NWD2: variants seen among roughly 807,000 people sequenced by gnomAD.
The protein encoded by NWD2 is NACHT and WD repeat domain containing 2, also known as NACHT and WD repeat domain-containing protein 2.
In NWD2, 37 loss-of-function variants were observed where a neutral mutation model predicts 132.7. That is an observed-to-expected ratio of 0.28 (90% CI 0.21 to 0.37). The LOEUF is 0.37. Ranked by LOEUF, NWD2 falls within the 10% of genes least tolerant of loss-of-function variation. The probability of loss-of-function intolerance (pLI) is 1.00; values close to 1 mark genes in which losing one functional copy is unlikely to be tolerated. For missense variants in NWD2, 1,592 were observed against 2,122.4 expected (o/e 0.75, Z 4.91); for synonymous variants, 705 against 803.0 (o/e 0.88, Z 2.06).
At chr4:37,376,835 T>C (rs1560407834) in intron 3 of NWD2, among the ~76,000 whole-genome samples, 1 of 152,206 alleles carries the variant, frequency 6.6e-6, no homozygotes, top group African/African-American at 2.4e-5. Flanking sequence ...CATGACCTTA[T>C]TATTCTCCCA....
chr4:37,430,315 T>C (rs1340992199), intron 3 of NWD2, among the ~76,000 whole-genome samples: 1 of 152,210 alleles, frequency 6.6e-6, no homozygotes, highest in East Asian at 1.9e-4. Flanking sequence ...AGAAAGTAAA[T>C]TGGCTGCAAA....
chr4:37,407,347 T>C (rs916393745), intron 3 of NWD2, among the ~76,000 whole-genome samples: 4 of 152,160 alleles, frequency 2.6e-5, no homozygotes, highest in Middle Eastern at 3.2e-3. Context: ...CACTGTGAGA[T>C]ATTCAACAAC....
At chr4:37,277,068 G>A (rs1718034053) in intron 1 of NWD2, among the ~76,000 whole-genome samples, 1 of 151,588 alleles carries the variant, frequency 6.6e-6, no homozygotes, top group Non-Finnish European at 1.5e-5. Context: ...ACACCAACAT[G>A]GCACATGTAC....
chr4:37,419,721 T>G (rs1711749739), intron 3 of NWD2, among the ~76,000 whole-genome samples: 1 of 152,196 alleles, frequency 6.6e-6, no homozygotes, highest in East Asian at 1.9e-4. Flanking sequence ...ATTAGAAAAA[T>G]GAAAACTTAG....
At chr4:37,406,831 G>A (rs1577693421) in intron 3 of NWD2, among the ~76,000 whole-genome samples, 1 of 152,162 alleles carries the variant, frequency 6.6e-6, no homozygotes, top group East Asian at 1.9e-4. Flanking sequence ...AGGAGGCAGG[G>A]GTTGCAGTGA....
At position 37,434,259 on chromosome 4, in the gene NWD2, G is replaced by A. The variant is rs563767494; in HGVS notation, c.706+239G>A. 1.6e-4 allele frequency among the ~76,000 whole-genome samples: 24 copies of A among 152,202 alleles called. No individual in the cohort carries two copies. The East Asian group carries it at 3.5e-3, about 22-fold the overall frequency. ...TTTAAAAGAAGCCAGAGGTGGCCCC[G>A]GATATAATTGACCATATTCTGCCAT... On this transcript the variant is annotated intron_variant, in intron 5 of 6. Transcript: ENST00000309447.
intron 2 of NWD2, among the ~76,000 whole-genome samples, chr4:37,335,453 T>C (rs1451671443): frequency 1.3e-5 from 2 of 152,170 alleles, no homozygotes; most frequent in East Asian, 3.9e-4. Context: ...AATTTTTAAA[T>C]GTCCCTCCCC....
At position 37,342,705 on chromosome 4, in the gene NWD2, C is replaced by CAAGGG. The variant is rs534029301; in HGVS notation, c.241-13660_241-13656dup. On this transcript the variant is annotated intron_variant, in intron 2 of 6. Transcript: ENST00000309447. The stretch of plus-strand genomic sequence containing the variant: ...TAGAGGTCCTGCCTTGGTTCATGGT[C>CAAGGG]AAGGGTTCAGTTCTTCCTTACTATC... 1.3e-4 allele frequency among the ~76,000 whole-genome samples: 20 copies of CAAGGG among 152,288 alleles called. No homozygotes were observed. In the South Asian group the frequency reaches 4.1e-3, roughly 32 times the overall value.
intron 1 of NWD2, among the ~76,000 whole-genome samples, chr4:37,316,157 A>T (rs1718952684): frequency 6.6e-6 from 1 of 152,092 alleles, no homozygotes; most frequent in Non-Finnish European, 1.5e-5. Flanking sequence ...TCTTTAGTAT[A>T]GTCTATAATG....
chr4:37,392,574 T>G (rs560526961), intron 3 of NWD2, among the ~76,000 whole-genome samples: 7 of 152,296 alleles, frequency 4.6e-5, no homozygotes, highest in African/African-American at 1.7e-4. Flanking sequence ...CCAACCTCTA[T>G]TGAGAATCAC....
intron 5 of NWD2, among the ~76,000 whole-genome samples, chr4:37,437,689 A>G (rs1712358501): frequency 6.6e-6 from 1 of 152,192 alleles, no homozygotes; most frequent in African/African-American, 2.4e-5. Flanking sequence ...ATTCATTTCC[A>G]TTAGCTTATT....
chr4:37,439,346 C>T lies in NWD2; in HGVS notation c.1252C>T (p.Pro418Ser). The T allele has an allele frequency of 6.6e-7, 1 of 1,526,404 alleles. No individual in the cohort carries two copies. Among genetic ancestry groups the T allele is most frequent in the Non-Finnish European group, 8.8e-7 (1 of 1,136,730 alleles). 94.6% of individuals were successfully genotyped at this position (1,526,404 alleles called of 1,614,324 possible). The stretch of plus-strand genomic sequence containing the variant: ...CAACCCTCTTATTATATATGGTGGG[C>T]CATGCACTGGGAAGACCCTTCTGCT... ...HINPLIIYGGPCTGKTLLLAE... is the reference protein window; with the variant it reads ...HINPLIIYGGSCTGKTLLLAE... The change falls in exon 6 of 7, where the codon CCA becomes TCA. Residue 418 changes from proline (P) to serine (S), a missense_variant. Pro to Ser is a moderately conservative substitution (Grantham distance 74). Transcript: ENST00000309447. This position sits in a 1 kb window ranked among gnomAD's most constrained non-coding sequence, Gnocchi z 4.5.
intron 1 of NWD2, among the ~76,000 whole-genome samples, chr4:37,280,112 G>A (rs1308460919): frequency 1.3e-5 from 2 of 152,116 alleles, no homozygotes; most frequent in East Asian, 3.9e-4. Flanking sequence ...TTCAGTGAGA[G>A]AACACATAAT....
At chr4:37,264,342 C>A (rs566821854) in intron 1 of NWD2, among the ~76,000 whole-genome samples, 268 of 152,220 alleles carry the variant, frequency 1.8e-3, no homozygotes, top group Non-Finnish European at 3.3e-3. Context: ...TTGGTAATTT[C>A]TCTCCTGTAA....
intron 3 of NWD2, among the ~76,000 whole-genome samples, chr4:37,408,667 T>C (rs1413633489): frequency 7.2e-5 from 11 of 152,166 alleles, no homozygotes; most frequent in Admixed American, 2.0e-4. Context: ...CAGCACAGCG[T>C]TGGAGCTCTG....
intron 3 of NWD2, among the ~76,000 whole-genome samples, chr4:37,372,343 T>A (rs1260477012): frequency 2.0e-5 from 3 of 152,194 alleles, no homozygotes; most frequent in Non-Finnish European, 4.4e-5. Context: ...GTTATAACCA[T>A]GGTACAAATG....
chr4:37,393,504 A>C (rs1311220727), intron 3 of NWD2, among the ~76,000 whole-genome samples: 1 of 152,210 alleles, frequency 6.6e-6, no homozygotes, highest in African/African-American at 2.4e-5. Flanking sequence ...TACAACTGGA[A>C]AGTTTCCAAA....
At position 37,311,733 on chromosome 4, in the gene NWD2, G is replaced by A. The variant is rs1371468341; in HGVS notation, c.152-14203G>A. Among the ~76,000 whole-genome samples, 2 of 148,778 alleles carry A rather than the reference G, an allele frequency of 1.3e-5. 1 individual carries two copies. The highest frequency in any genetic ancestry group is 5.2e-5 in the African/African-American group (2 of 38,262). On this transcript the variant is annotated intron_variant, in intron 1 of 6. Transcript: ENST00000309447. The stretch of plus-strand genomic sequence containing the variant: ...CTATGTCCGGAATGGTAATGCCTAG[G>A]TTTTCTTCTAGGGTTTTTATGGTTT...
intron 3 of NWD2, among the ~76,000 whole-genome samples, chr4:37,362,273 A>G (rs1413134814): frequency 6.6e-6 from 1 of 152,222 alleles, no homozygotes; most frequent in Admixed American, 6.5e-5. Flanking sequence ...TGCTATTTCT[A>G]TCAAACTACC....
Sources: gnomAD v4.1 joint callset for allele counts (sites outside exome capture counted in the v4.1 genomes callset) on GRCh38, gnomAD v4.1.1 for gene constraint, Gnocchi (gnomAD v3.1) non-coding constraint, MANE v1.5 for transcripts, NCBI Gene and HGNC (gene_info 2026-07-23, HGNC 2026-07-21) for gene names.